Variants in CNTNAP2 observed in about 807,000 individuals in gnomAD.
The protein encoded by CNTNAP2 is contactin-associated protein-like 2.
A neutral mutation model predicts 155.2 loss-of-function variants in CNTNAP2; 98 were observed. The observed-to-expected ratio is 0.63, with a 90% confidence interval of 0.54 to 0.75. The LOEUF (loss-of-function observed/expected upper bound fraction) is 0.75, where lower values mean the gene tolerates loss of function less well. Ranked by LOEUF, CNTNAP2 falls within the 30% of genes least tolerant of loss-of-function variation. The pLI, the probability that CNTNAP2 is intolerant of heterozygous loss-of-function variation, is 0.00. For synonymous variants in CNTNAP2, 651 were observed against 631.2 expected, an observed-to-expected ratio of 1.03 and a Z score of -0.47; for missense variants, 1,727 against 1,688.1, an observed-to-expected ratio of 1.02 and a Z score of -0.40.
At chr7:146,714,724 A>T (rs1801157584) in intron 1 of CNTNAP2, among the ~76,000 whole-genome samples, 1 of 152,196 alleles carries the variant, frequency 6.6e-6, no homozygotes, top group Non-Finnish European at 1.5e-5. Flanking sequence ...ATTTCTAGAG[A>T]TATATATGTA....
At chr7:147,381,168 T>C (rs1328240886) in intron 9 of CNTNAP2, among the ~76,000 whole-genome samples, 1 of 152,116 alleles carries the variant, frequency 6.6e-6, no homozygotes, top group East Asian at 1.9e-4. Flanking sequence ...ATACAGTGTT[T>C]TATTTAACAG....
intron 3 of CNTNAP2, among the ~76,000 whole-genome samples, chr7:146,994,941 C>T (rs1798279292): frequency 6.6e-6 from 1 of 151,952 alleles, no homozygotes; most frequent in African/African-American, 2.4e-5. Flanking sequence ...GATCTCTCCT[C>T]CTATTTAGCT....
At chr7:146,141,290 G>C (rs1278141294) in intron 1 of CNTNAP2, among the ~76,000 whole-genome samples, 2 of 152,174 alleles carry the variant, frequency 1.3e-5, no homozygotes, top group African/African-American at 4.8e-5. Flanking sequence ...GTCTTCTAAT[G>C]TGGTGGTGCT....
intron 5 of CNTNAP2, among the ~76,000 whole-genome samples, chr7:147,111,400 T>A (rs1395906959): frequency 6.6e-6 from 1 of 152,224 alleles, no homozygotes; most frequent in African/African-American, 2.4e-5. Context: ...TTTTTGCTTT[T>A]GTTGCAATTG....
At chr7:147,809,768 T>C (rs1253208865) in intron 13 of CNTNAP2, among the ~76,000 whole-genome samples, 1 of 151,806 alleles carries the variant, frequency 6.6e-6, no homozygotes, top group Non-Finnish European at 1.5e-5. Context: ...ACAATATGGT[T>C]TGCTAATGAG....
chr7:146,186,377 A>C lies in CNTNAP2; in HGVS notation c.97+69404A>C, dbSNP rs914546384. Among the ~76,000 whole-genome samples, 5 of 152,126 alleles carry C rather than the reference A, an allele frequency of 3.3e-5. No homozygotes were observed. The South Asian group carries it at 1.0e-3, about 32-fold the overall frequency. ...GCTGTACATATCTTTCTTACTGTAC[A>C]CTTTCCCTCAAGAATTATACGCTTT... On this transcript the variant is annotated intron_variant, in intron 1 of 23. Coordinates refer to ENST00000361727, the MANE Select transcript of CNTNAP2 (RefSeq NM_014141.6).
intron 8 of CNTNAP2, chr7:147,146,843 T>C (rs1180946836): frequency 6.6e-6 from 1 of 152,198 alleles, no homozygotes; most frequent in Middle Eastern, 3.2e-3. Flanking sequence ...TGCTTTAGTG[T>C]TTTGCAATTC....
intron 3 of CNTNAP2, among the ~76,000 whole-genome samples, chr7:147,025,428 G>T: frequency 1.1e-4 from 1 of 9,268 alleles, no homozygotes; most frequent in Non-Finnish European, 1.8e-4. Context: ...AGGGGGAGGG[G>T]AGGGGGAGGG....
chr7:147,400,160 C>T (rs1796888367), intron 10 of CNTNAP2, among the ~76,000 whole-genome samples: 1 of 152,116 alleles, frequency 6.6e-6, no homozygotes, highest in Admixed American at 6.6e-5. Flanking sequence ...TTCAGAAACA[C>T]TCCTTTAGCC....
chr7:147,399,114 C>A (rs1385876351), intron 10 of CNTNAP2, among the ~76,000 whole-genome samples: 1 of 152,086 alleles, frequency 6.6e-6, no homozygotes, highest in African/African-American at 2.4e-5. Flanking sequence ...CTTGCATGAT[C>A]CAGGATCAGT....
rs188318952 is a variant in CNTNAP2 at position 146,298,805 on chromosome 7, C to G, written c.97+181832C>G. Among the ~76,000 whole-genome samples, 3 of 152,236 alleles carry G rather than the reference C, an allele frequency of 2.0e-5. No individual in the cohort carries two copies. In the East Asian group the frequency reaches 5.8e-4, roughly 29 times the overall value. On this transcript the variant is annotated intron_variant, in intron 1 of 23. Transcript: ENST00000361727. ...TGTAAGAGTGATAGTGATGTGATCT[C>G]TTAGAGAAGAATGATGTGTTAATTA...
rs397791358 is a variant in CNTNAP2, at chr7:147,234,037, T to TAAA, written c.1349-66088_1349-66086dup. Among the ~76,000 whole-genome samples, 164 of 133,522 alleles carry TAAA rather than the reference T, an allele frequency of 1.2e-3. 2 individuals carry two copies. Among genetic ancestry groups the TAAA allele is most frequent in the African/African-American group, 3.9e-3 (144 of 36,684 alleles). The allele number at this position is 133,522 out of a possible 152,430, so 87.6% of individuals were successfully genotyped here. ...GCTACAAACTATGAGCTATCCACAG[T>TAAA]AAAAAAAAAAAAAAAAAACTCAAAA... On this transcript the variant is annotated intron_variant, in intron 8 of 23. Coordinates refer to ENST00000361727, the MANE Select transcript of CNTNAP2 (RefSeq NM_014141.6).
chr7:147,308,097 A>C (rs2116788292), intron 9 of CNTNAP2, among the ~76,000 whole-genome samples: 1 of 152,312 alleles, frequency 6.6e-6, no homozygotes, highest in South Asian at 2.1e-4. Flanking sequence ...GATTAAGAAG[A>C]TAGCATTTGA....
At chr7:146,971,244 C>T (rs955447371) in intron 3 of CNTNAP2, among the ~76,000 whole-genome samples, 5 of 151,728 alleles carry the variant, frequency 3.3e-5, no homozygotes, top group Admixed American at 6.6e-5. Flanking sequence ...GTCTTTTTTC[C>T]CTAAAATATT....
chr7:146,668,180 T>C (rs1277250723), intron 1 of CNTNAP2, among the ~76,000 whole-genome samples: 7 of 152,132 alleles, frequency 4.6e-5, no homozygotes, highest in Non-Finnish European at 7.4e-5. Flanking sequence ...TTTAATATAA[T>C]GGCATATTAC....
At chr7:148,363,095 C>G (rs955283745) in intron 21 of CNTNAP2, among the ~76,000 whole-genome samples, 3 of 152,188 alleles carry the variant, frequency 2.0e-5, no homozygotes, top group African/African-American at 7.2e-5. Context: ...GATTCTCCTG[C>G]CTCAGCCTCC....
chr7:146,250,498 G>A (rs954022792), intron 1 of CNTNAP2, among the ~76,000 whole-genome samples: 1 of 152,150 alleles, frequency 6.6e-6, no homozygotes, highest in African/African-American at 2.4e-5. Flanking sequence ...TGGTATGGTG[G>A]TGCCTCAGTT....
intron 18 of CNTNAP2, among the ~76,000 whole-genome samples, chr7:148,200,458 A>G (rs1795350899): frequency 6.6e-6 from 1 of 151,396 alleles, no homozygotes; most frequent in Admixed American, 6.6e-5. Context: ...GCAGTGGCAC[A>G]ATCATGGCTC....
intron 1 of CNTNAP2, among the ~76,000 whole-genome samples, chr7:146,763,270 C>A (rs927871248): frequency 6.6e-6 from 1 of 152,112 alleles, no homozygotes; most frequent in Non-Finnish European, 1.5e-5. Flanking sequence ...TACTACTCCA[C>A]AGATATCAGA....
Sources: gnomAD v4.1 joint callset for allele counts (sites outside exome capture counted in the v4.1 genomes callset) on GRCh38, gnomAD v4.1.1 for gene constraint, MANE v1.5 for transcripts, NCBI Gene and HGNC (gene_info 2026-07-23, HGNC 2026-07-21) for gene names.